DLG1: variants seen among roughly 807,000 people sequenced by gnomAD.
DLG1 encodes the protein discs large MAGUK scaffold protein 1, also known as disks large homolog 1.
DLG1 carries 42 observed loss-of-function variants against 123.4 expected under a neutral mutation model. The observed-to-expected ratio is 0.34, with a 90% CI of 0.27 to 0.44. DLG1 has a LOEUF of 0.44. Ranked by LOEUF, DLG1 falls within the 20% of genes least tolerant of loss-of-function variation. The pLI is 1.00. For missense variants in DLG1, 942 were observed against 1,082.6 expected (o/e 0.87, Z 1.82); for synonymous variants, 317 against 356.2 (o/e 0.89, Z 1.24).
At chr3:197,110,005 T>C (rs1202721085) in intron 13 of DLG1, among the ~76,000 whole-genome samples, 1 of 152,196 alleles carries the variant, frequency 6.6e-6, no homozygotes, top group African/African-American at 2.4e-5. Flanking sequence ...TGGAGTTCAC[T>C]GAGGTTCTTG....
chr3:197,193,416 T>C (rs982161717), intron 5 of DLG1, among the ~76,000 whole-genome samples: 1 of 152,206 alleles, frequency 6.6e-6, no homozygotes, highest in Non-Finnish European at 1.5e-5. Flanking sequence ...CTGCTGAAAC[T>C]GGAAATGACA....
chr3:197,239,924 AGCACCTAATGG>A (rs1748011383), intron 4 of DLG1, among the ~76,000 whole-genome samples: 1 of 151,058 alleles, frequency 6.6e-6, no homozygotes, highest in Admixed American at 6.6e-5. Flanking sequence ...CATTCTGGCC[AGCACCTAATGG>A]GCAAAAAATT....
rs931301960 is a variant in DLG1 at position 197,249,372 on chromosome 3, G to C, written c.318+33307C>G. Among the ~76,000 whole-genome samples the C allele has an allele frequency of 5.3e-5, 8 of 151,898 alleles. 1 individual carries two copies. The highest frequency in any genetic ancestry group is 1.2e-4 in the Non-Finnish European group (8 of 67,962). On this transcript the variant is annotated intron_variant, in intron 4 of 24. Coordinates refer to ENST00000667157, the MANE Select transcript of DLG1 (RefSeq NM_001366207.1). ...TGAAGAAAGAAAACCTCAATAAGCTGATAACAAGTAATGAGATTGAAGCCA... is the reference window on the plus strand; with the variant it reads ...TGAAGAAAGAAAACCTCAATAAGCTCATAACAAGTAATGAGATTGAAGCCA...
At position 197,042,630 on chromosome 3, in the gene DLG1, A is replaced by T. The variant is rs1720924993; in HGVS notation, c.*1993T>A. On this transcript the variant is annotated 3_prime_UTR_variant, in exon 25 of 25. Coordinates refer to ENST00000667157, the MANE Select transcript of DLG1 (RefSeq NM_001366207.1). Reference sequence around the variant, plus strand: ...TTTTATAACCACTTGATATTTTACAACATGTGACTATTTGGTAAATACTTC... The same window carrying T: ...TTTTATAACCACTTGATATTTTACATCATGTGACTATTTGGTAAATACTTC... 6.6e-6 allele frequency: 1 copy of T among 152,242 alleles called. No homozygotes were observed. Among genetic ancestry groups the T allele is most frequent in the Admixed American group, 6.5e-5 (1 of 15,288 alleles). The allele number at this position is 152,242 out of a possible 1,614,324, so 9.4% of individuals were successfully genotyped here. A position where few individuals can be genotyped will look rare whatever the true frequency, so the allele number is the denominator to read the frequency against.
At chr3:197,239,346 A>G (rs1262975688) in intron 4 of DLG1, among the ~76,000 whole-genome samples, 2 of 152,302 alleles carry the variant, frequency 1.3e-5, no homozygotes, top group South Asian at 2.1e-4. Context: ...ATCTTTCAAC[A>G]AAGAAAAGTC....
chr3:197,092,279 G>A (rs763160576), intron 14 of DLG1, among the ~76,000 whole-genome samples: 6 of 152,210 alleles, frequency 3.9e-5, no homozygotes, highest in Middle Eastern at 3.4e-3. Context: ...CTATTTTAGC[G>A]TTGTATCTGC....
At chr3:197,178,280 A>G (rs905682043) in intron 5 of DLG1, among the ~76,000 whole-genome samples, 2 of 152,176 alleles carry the variant, frequency 1.3e-5, no homozygotes, top group Non-Finnish European at 2.9e-5. Context: ...TGGCCAAATC[A>G]TAAATATATC....
intron 4 of DLG1, 95 bp from the exon 5 acceptor site, chr3:197,194,684 CA>C (rs1721465918): frequency 1.3e-5 from 10 of 785,378 alleles, no homozygotes; most frequent in Non-Finnish European, 2.0e-5. Flanking sequence ...CAATATTTAG[CA>C]ATATAAAAAG....
chr3:197,063,544 G>C (rs574689583), intron 22 of DLG1, among the ~76,000 whole-genome samples: 2 of 152,160 alleles, frequency 1.3e-5, no homozygotes, highest in East Asian at 1.9e-4. Flanking sequence ...TGCATGTTGT[G>C]TATCAGTTCA....
intron 14 of DLG1, among the ~76,000 whole-genome samples, chr3:197,093,615 C>T (rs1759010453): frequency 6.9e-6 from 1 of 144,680 alleles, no homozygotes; most frequent in Non-Finnish European, 1.5e-5. Flanking sequence ...ACCTTTACTT[C>T]TTTGTGGTAG....
At chr3:197,239,597 T>TC (rs397697654) in intron 4 of DLG1, among the ~76,000 whole-genome samples, 1 of 150,962 alleles carries the variant, frequency 6.6e-6, no homozygotes, top group African/African-American at 2.4e-5. Context: ...CAAATCAGAT[T>TC]GACAGCATAT....
At chr3:197,103,954 T>A (rs1305768264) in intron 14 of DLG1, among the ~76,000 whole-genome samples, 3 of 152,062 alleles carry the variant, frequency 2.0e-5, no homozygotes, top group African/African-American at 7.2e-5. Context: ...TGATGTACAC[T>A]AGAGTCTTAC....
At chr3:197,256,406 C>T (rs777833452) in intron 4 of DLG1, among the ~76,000 whole-genome samples, 32 of 152,336 alleles carry the variant, frequency 2.1e-4, no homozygotes, top group Admixed American at 1.2e-3. Flanking sequence ...CTTTGTTTTC[C>T]GTGTTTATTT....
In DLG1 at chr3:197,119,521, T is replaced by A; in HGVS notation, c.1175A>T (p.Gln392Leu). The change falls in exon 12 of 25, where the codon CAG becomes CTG. Residue 392 changes from glutamine (Q) to leucine (L), a missense_variant. Coordinates refer to ENST00000667157, the MANE Select transcript of DLG1 (RefSeq NM_001366207.1). Reference sequence around the variant, plus strand: ...TGGGCTAACATGGTTATCAACAGGCTGAGAAGAAGCTTCAAAATAAACAAA... The same window carrying A: ...TGGGCTAACATGGTTATCAACAGGCAGAGAAGAAGCTTCAAAATAAACAAA... ...APPDITNSSS[Q>L]PVDNHVSPSS... 1.2e-6 allele frequency: 2 copies of A among 1,606,006 alleles called. No homozygotes were observed. The highest frequency in any genetic ancestry group is 1.7e-6 in the Non-Finnish European group (2 of 1,175,728).
intron 11 of DLG1, among the ~76,000 whole-genome samples, chr3:197,125,829 G>A (rs1242799331): frequency 6.6e-6 from 1 of 152,062 alleles, no homozygotes; most frequent in East Asian, 1.9e-4. Flanking sequence ...ATGGGCCTTC[G>A]CACTAAAGTC....
chr3:197,104,980 G>T lies in DLG1; in HGVS notation c.1469C>A (p.Ala490Asp), dbSNP rs1231577930. 6.2e-7 allele frequency: 1 copy of T among 1,612,536 alleles called. No individual in the cohort carries two copies. The highest frequency in any genetic ancestry group is 2.2e-5 in the East Asian group (1 of 44,828). Residue 490 changes from alanine to aspartate, a missense_variant, in exon 14 of 25, where the codon GCT (alanine) becomes GAT (aspartate). Transcript: ENST00000667157. ...ISVNSVDLRA[A>D]SHEQAAAALK... ...TGCAGCTGCTGCCTGCTCATGACTA[G>T]CAGCTCTGAGGTCAACACTGTTTAC... is the stretch of plus-strand genomic sequence containing the variant.
At chr3:197,049,468 G>C (rs541044519) in intron 24 of DLG1, among the ~76,000 whole-genome samples, 5 of 152,206 alleles carry the variant, frequency 3.3e-5, no homozygotes, top group African/African-American at 9.6e-5. Flanking sequence ...GTCAAAAGAT[G>C]AATGAGCCGG....
intron 3 of DLG1, among the ~76,000 whole-genome samples, chr3:197,285,404 A>T (rs996611509): frequency 6.6e-6 from 1 of 152,032 alleles, no homozygotes; most frequent in Non-Finnish European, 1.5e-5. Context: ...ATAATTTAAC[A>T]TAATACCGGT....
intron 3 of DLG1, among the ~76,000 whole-genome samples, chr3:197,285,800 T>C (rs1771554971): frequency 6.6e-6 from 1 of 152,232 alleles, no homozygotes; most frequent in African/African-American, 2.4e-5. Flanking sequence ...ACAACCACTT[T>C]GGAAGGCACT....
Sources: allele counts gnomAD v4.1 joint callset (sites outside exome capture counted in the v4.1 genomes callset), GRCh38; gene constraint gnomAD v4.1.1; transcripts MANE v1.5; gene names NCBI Gene and HGNC (gene_info 2026-07-23, HGNC 2026-07-21).